TENM4: variants seen among roughly 807,000 people sequenced by gnomAD.
TENM4 encodes teneurin-4.
In TENM4, 82 loss-of-function variants were observed where a neutral mutation model predicts 243.3. The observed-to-expected ratio is 0.34, with a 90% CI of 0.28 to 0.40. TENM4 has a LOEUF of 0.40. Ranked by LOEUF, TENM4 falls within the 10% of genes least tolerant of loss-of-function variation. The pLI is 1.00. For missense variants in TENM4, 3,138 were observed against 3,673.3 expected (o/e 0.85, Z 3.77); for synonymous variants, 1,412 against 1,456.3 (o/e 0.97, Z 0.69).
At chr11:78,822,857 C>T (rs1370952168) in intron 12 of TENM4, among the ~76,000 whole-genome samples, 1 of 152,132 alleles carries the variant, frequency 6.6e-6, no homozygotes, top group African/African-American at 2.4e-5. Context: ...TGTTCGTGGC[C>T]GGGCAGAGGG....
intron 6 of TENM4, among the ~76,000 whole-genome samples, chr11:79,031,311 G>A (rs56021877): frequency 0.031 from 4,662 of 152,248 alleles, 94 homozygotes; most frequent in Admixed American, 0.046. Context: ...AGGAGCCCAA[G>A]TAGATTCAAT....
At chr11:78,666,784 G>A (rs996319097) in intron 32 of TENM4, among the ~76,000 whole-genome samples, 1 of 152,088 alleles carries the variant, frequency 6.6e-6, no homozygotes, top group South Asian at 2.1e-4. Context: ...AGATAATGAT[G>A]GTGATCTCAC....
Position 78,685,193 on chromosome 11 carries a change from A to C in TENM4, c.5260+2861T>G, listed in dbSNP as rs553598599. 3.3e-5 allele frequency among the ~76,000 whole-genome samples: 5 copies of C among 152,308 alleles called. No individual in the cohort carries two copies. In the East Asian group the frequency reaches 9.6e-4, roughly 29 times the overall value. ...TAAAGCTGCTCCTTGCTGAATCCAC[A>C]TATGTCCATTAATGGTGACTTGGAG... On this transcript the variant is annotated intron_variant, in intron 29 of 33. Coordinates refer to ENST00000278550, the MANE Select transcript of TENM4 (RefSeq NM_001098816.3).
chr11:79,231,726 T>A (rs922791651), intron 2 of TENM4, among the ~76,000 whole-genome samples: 1 of 152,232 alleles, frequency 6.6e-6, no homozygotes, highest in African/African-American at 2.4e-5. Context: ...CACCCAGCTC[T>A]GAAGCCTAAG....
chr11:78,657,817 A>C lies in TENM4; in HGVS notation c.*241T>G. 1.6e-6 allele frequency: 1 copy of C among 609,246 alleles called. No homozygotes were observed. Among genetic ancestry groups the C allele is most frequent in the Non-Finnish European group, 2.9e-6 (1 of 349,718 alleles). The allele number at this position is 609,246 out of a possible 1,614,324, so 37.7% of individuals were successfully genotyped here. On this transcript the variant is annotated 3_prime_UTR_variant, in exon 34 of 34. Coordinates refer to ENST00000278550, the MANE Select transcript of TENM4 (RefSeq NM_001098816.3). ...AAGGAAAAAGGGAACAAAAGACAATAAAGTTTTCATTGTGATCACACTACA... is the reference window on the plus strand; with the variant it reads ...AAGGAAAAAGGGAACAAAAGACAATCAAGTTTTCATTGTGATCACACTACA...
At chr11:79,146,370 A>G (rs1199466190) in intron 4 of TENM4, among the ~76,000 whole-genome samples, 2 of 152,122 alleles carry the variant, frequency 1.3e-5, no homozygotes, top group African/African-American at 4.8e-5. Flanking sequence ...ACTTTGTCCT[A>G]TACCTTGAGT....
intron 30 of TENM4, among the ~76,000 whole-genome samples, chr11:78,673,052 G>C (rs1180234734): frequency 2.6e-5 from 4 of 151,534 alleles, no homozygotes; most frequent in Non-Finnish European, 5.9e-5. Context: ...GGGCCGAATG[G>C]GGACACAGTC....
chr11:78,863,482 T>G (rs770605754), intron 9 of TENM4, among the ~76,000 whole-genome samples: 1 of 152,312 alleles, frequency 6.6e-6, no homozygotes, highest in South Asian at 2.1e-4. Flanking sequence ...CAAAAATAAC[T>G]TGTACAAATA....
intron 12 of TENM4, among the ~76,000 whole-genome samples, chr11:78,841,260 T>A (rs937640959): frequency 1.3e-5 from 2 of 152,206 alleles, no homozygotes; most frequent in African/African-American, 4.8e-5. Flanking sequence ...TGGCAGAGAC[T>A]GTATTCAACC....
intron 28 of TENM4, among the ~76,000 whole-genome samples, chr11:78,700,935 G>A (rs1859087161): frequency 6.6e-6 from 1 of 152,102 alleles, no homozygotes; most frequent in African/African-American, 2.4e-5. Flanking sequence ...TGCAATTGTT[G>A]TTCCTTATTA....
intron 7 of TENM4, among the ~76,000 whole-genome samples, chr11:78,901,932 A>G (rs1855937568): frequency 6.6e-6 from 1 of 152,166 alleles, no homozygotes; most frequent in Non-Finnish European, 1.5e-5. Flanking sequence ...AACAATGTTC[A>G]TTTTCTCTTA....
At chr11:79,118,243 G>T (rs1470649287) in intron 4 of TENM4, among the ~76,000 whole-genome samples, 2 of 152,044 alleles carry the variant, frequency 1.3e-5, no homozygotes, top group Non-Finnish European at 2.9e-5. Context: ...TAAGAATATG[G>T]TTATGAAAGG....
At chr11:79,353,228 T>C (rs151122843) in intron 1 of TENM4, among the ~76,000 whole-genome samples, 5 of 152,310 alleles carry the variant, frequency 3.3e-5, no homozygotes, top group Admixed American at 1.3e-4. Context: ...CAGATCGTCA[T>C]TGACATTCCA....
intron 32 of TENM4, among the ~76,000 whole-genome samples, chr11:78,667,366 G>T (rs1341070429): frequency 1.3e-5 from 2 of 152,154 alleles, no homozygotes; most frequent in African/African-American, 4.8e-5. Flanking sequence ...CCAGGTGGGG[G>T]CTACCAAGTT....
chr11:79,325,435 G>T (rs1223819635), intron 1 of TENM4, among the ~76,000 whole-genome samples: 1 of 152,144 alleles, frequency 6.6e-6, no homozygotes, highest in Non-Finnish European at 1.5e-5. Context: ...CCTCTGCCTT[G>T]TCTGCTGTTT....
At chr11:79,292,188 G>A (rs1052386822) in intron 2 of TENM4, among the ~76,000 whole-genome samples, 2 of 152,054 alleles carry the variant, frequency 1.3e-5, no homozygotes, top group Non-Finnish European at 2.9e-5. Flanking sequence ...ACAAGTCAAC[G>A]GTCCATGAGG....
At chr11:79,024,557 C>T (rs897560698) in intron 6 of TENM4, among the ~76,000 whole-genome samples, 1 of 152,110 alleles carries the variant, frequency 6.6e-6, no homozygotes, top group Non-Finnish European at 1.5e-5. Flanking sequence ...GATATATGGC[C>T]TTGTACTCTC....
In TENM4 at chr11:79,060,452, G is replaced by A. The variant is rs954991666; in HGVS notation, c.493+4286C>T. On this transcript the variant is annotated intron_variant, in intron 6 of 33. Transcript: ENST00000278550. ...TGTGACCTCTGCAAAAGCCTCTACC[G>A]CTATCAATACTGTTGACAATTACTA... Among the ~76,000 whole-genome samples the A allele has an allele frequency of 1.6e-4, 24 of 152,306 alleles. No homozygotes were observed. In the South Asian group the frequency reaches 3.9e-3, roughly 25 times the overall value.
intron 28 of TENM4, among the ~76,000 whole-genome samples, chr11:78,699,797 G>A (rs531549930): frequency 6.6e-6 from 1 of 152,354 alleles, no homozygotes; most frequent in African/African-American, 2.4e-5. Context: ...ATGCAGTGAT[G>A]TGTGAGCATT....
Sources: gnomAD v4.1 joint callset for allele counts (sites outside exome capture counted in the v4.1 genomes callset) on GRCh38, gnomAD v4.1.1 for gene constraint, MANE v1.5 for transcripts, NCBI Gene and HGNC (gene_info 2026-07-23, HGNC 2026-07-21) for gene names.